The following CLCN3 variants were observed in gnomAD, a reference collection of about 807,000 sequenced individuals.
CLCN3 encodes the protein H(+)/Cl(-) exchange transporter 3.
Under a neutral mutation model 83.4 loss-of-function variants are expected in CLCN3, and 16 were observed. That is an observed-to-expected ratio of 0.19 (90% CI 0.13 to 0.29). CLCN3 has a LOEUF of 0.29. Among genes scored for constraint, CLCN3 ranks in the 10% least tolerant of loss-of-function variants. CLCN3 has a pLI of 1.00. For synonymous variants in CLCN3, 322 were observed against 346.2 expected (o/e 0.93, Z 0.78); for missense variants, 544 against 1,006.0 (o/e 0.54, Z 6.21).
At chr4:169,638,488 A>T (rs1422065881) in intron 2 of CLCN3, among the ~76,000 whole-genome samples, 1 of 151,894 alleles carries the variant, frequency 6.6e-6, no homozygotes. Context: ...TTTATCACAG[A>T]TTTTTTTTCT....
intron 11 of CLCN3, 86 bp from the exon 12 acceptor site, chr4:169,712,993 T>A: frequency 2.1e-6 from 2 of 945,652 alleles, no homozygotes; most frequent in Non-Finnish European, 3.3e-6. Context: ...ATAGGATACA[T>A]TAATTTTTTT....
intron 4 of CLCN3, 39 bp from the exon 5 acceptor site, chr4:169,689,004 T>G: frequency 6.3e-7 from 1 of 1,589,794 alleles, no homozygotes; most frequent in Non-Finnish European, 8.6e-7. Flanking sequence ...CCCAAAAAAT[T>G]GACTTAATTT....
intron 12 of CLCN3, among the ~76,000 whole-genome samples, chr4:169,719,272 C>T (rs1315354432): frequency 6.6e-6 from 1 of 152,164 alleles, no homozygotes; most frequent in African/African-American, 2.4e-5. Context: ...GAAGCCCATT[C>T]TGGCCAACAT....
intron 10 of CLCN3, 129 bp from the exon 11 acceptor site, chr4:169,706,739 G>A: frequency 1.5e-6 from 1 of 682,614 alleles, no homozygotes. Flanking sequence ...AGCAGTTTTA[G>A]ATGCTAATGC....
Position 169,707,244 on chromosome 4 carries a change from AAG to A in CLCN3, c.2131_2132del (p.Asp711ProfsTer45). On this transcript the variant is annotated frameshift_variant, in exon 11 of 13. Coordinates refer to ENST00000513761, the MANE Select transcript of CLCN3 (RefSeq NM_001829.4). LOFTEE classifies it high-confidence loss of function. ...SQRLVGFALR[R>X]DLTIAIESAR... ...AGAGATTAGTGGGATTTGCCCTCAG[AAG>A]AGACCTGACAATTGCAATAGGTACC... The A allele has an allele frequency of 6.2e-7, 1 of 1,608,686 alleles. No homozygotes were observed. Among genetic ancestry groups the A allele is most frequent in the Non-Finnish European group, 8.5e-7 (1 of 1,177,626 alleles).
rs1733591669 is a variant in CLCN3 at position 169,720,403 on chromosome 4, C to A, written c.*406C>A. The A allele has an allele frequency of 5.3e-6, 1 of 190,158 alleles. No homozygotes were observed. Among genetic ancestry groups the A allele is most frequent in the African/African-American group, 2.3e-5 (1 of 42,898 alleles). The allele number at this position is 190,158 out of a possible 1,614,324, so 11.8% of individuals were successfully genotyped here. ...TCAGTCCCTATTTCTAGAGGGATTA[C>A]TTTGAATTGAGCCATCTATAAAACT... On this transcript the variant is annotated 3_prime_UTR_variant, in exon 13 of 13. Transcript: ENST00000513761.
chr4:169,671,465 G>T (rs1731454345), intron 2 of CLCN3, among the ~76,000 whole-genome samples: 1 of 152,096 alleles, frequency 6.6e-6, no homozygotes, highest in Non-Finnish European at 1.5e-5. Flanking sequence ...GGGACAAGGG[G>T]AGGGAGAGCA....
In CLCN3 at chr4:169,679,902, G is replaced by C. The variant is rs1316102514; in HGVS notation, c.161-148G>C. ...AGGCGGGAGTCGGAGACGAGGGAGA[G>C]GGGGAGACCGTGGAAAGCGGGAGGT... On this transcript the variant is annotated intron_variant, in intron 2 of 12. Coordinates refer to ENST00000513761, the MANE Select transcript of CLCN3 (RefSeq NM_001829.4). The C allele has an allele frequency of 6.1e-5, 34 of 553,098 alleles. 4 individuals are homozygous for C. Among genetic ancestry groups the C allele is most frequent in the South Asian group, 2.6e-4 (13 of 49,278 alleles). 34.3% of individuals were successfully genotyped at this position (553,098 alleles called of 1,614,324 possible). A position where few individuals can be genotyped will look rare whatever the true frequency, so the allele number is the denominator to read the frequency against.
At chr4:169,650,128 T>C (rs186662845) in intron 2 of CLCN3, among the ~76,000 whole-genome samples, 1 of 152,186 alleles carries the variant, frequency 6.6e-6, no homozygotes, top group Admixed American at 6.5e-5. Context: ...TTGCTAAAGA[T>C]AGTCTGAGTG....
Position 169,721,740 on chromosome 4 carries a change from C to T in CLCN3, c.*1743C>T, listed in dbSNP as rs1733646283. The T allele has an allele frequency of 6.6e-6, 1 of 152,216 alleles. No homozygotes were observed. The highest frequency in any genetic ancestry group is 2.4e-5 in the African/African-American group (1 of 41,444). The allele number at this position is 152,216 out of a possible 1,614,324, so 9.4% of individuals were successfully genotyped here. A position where few individuals can be genotyped will look rare whatever the true frequency, so the allele number is the denominator to read the frequency against. On this transcript the variant is annotated 3_prime_UTR_variant, in exon 13 of 13. Transcript: ENST00000513761. ...TTTTTGGAATTGTCTGTTTTAATCA[C>T]AGCCTTAATTCACAATTGGCAAAGG...
At chr4:169,667,916 T>C (rs1731305326) in intron 2 of CLCN3, among the ~76,000 whole-genome samples, 1 of 151,588 alleles carries the variant, frequency 6.6e-6, no homozygotes, top group African/African-American at 2.4e-5. Flanking sequence ...CGCCTGATTT[T>C]TTTTAGTAGA....
At position 169,637,168 on chromosome 4, in the gene CLCN3, T is replaced by C. The variant is rs186167878; in HGVS notation, c.160+1080T>C. On this transcript the variant is annotated intron_variant, in intron 2 of 12. Coordinates refer to ENST00000513761, the MANE Select transcript of CLCN3 (RefSeq NM_001829.4). ...GTTTATTGGCTTTTTAGATTGCCTC[T>C]TTTAAAGCACCTATTCAGTCCTTTT... Among the ~76,000 whole-genome samples, 11 of 152,358 alleles carry C rather than the reference T, an allele frequency of 7.2e-5. 1 individual carries two copies. The East Asian group carries it at 2.1e-3, about 29-fold the overall frequency.
chr4:169,702,960 G>A (rs1039909131), intron 9 of CLCN3, among the ~76,000 whole-genome samples: 2 of 152,080 alleles, frequency 1.3e-5, no homozygotes, highest in African/African-American at 4.8e-5. Context: ...TTGGGTCTCA[G>A]GGAATAGGGA....
At chr4:169,643,595 T>G (rs1730485817) in intron 2 of CLCN3, among the ~76,000 whole-genome samples, 1 of 151,874 alleles carries the variant, frequency 6.6e-6, no homozygotes. Flanking sequence ...TGCAGTGGCA[T>G]GATCACAGCT....
intron 2 of CLCN3, chr4:169,660,405 C>CG: frequency 7.1e-7 from 1 of 1,403,076 alleles, no homozygotes; most frequent in Non-Finnish European, 9.2e-7. Flanking sequence ...TGCCTTATGA[C>CG]GGGGGAGGAG....
rs774456990 is a variant in CLCN3, at chr4:169,689,148, G to T, written c.524G>T (p.Gly175Val). Reference protein sequence around the residue: ...LWYNHEQCCWGSNETTFEERD... With the variant: ...LWYNHEQCCWVSNETTFEERD... ...TACAACCACGAACAGTGCTGTTGGG[G>T]ATCTAATGAAACAACATTTGAAGAG... The change falls in exon 5 of 13, where the codon GGA becomes GTA. Residue 175 changes from glycine to valine, a missense_variant. Physicochemically the swap from Gly to Val is moderately radical, Grantham distance 109. Coordinates refer to ENST00000513761, the MANE Select transcript of CLCN3 (RefSeq NM_001829.4). 6.2e-7 allele frequency: 1 copy of T among 1,613,852 alleles called. No homozygotes were observed. Among genetic ancestry groups the T allele is most frequent in the Non-Finnish European group, 8.5e-7 (1 of 1,179,864 alleles).
chr4:169,692,275 C>T lies in CLCN3; in HGVS notation c.891C>T (p.Ser297=). The part of the protein sequence containing the change: ...HVACCCGNIF[S]YLFPKYSTNE... ...CCTGTTGCTGCGGAAATATCTTTTCCTACCTCTTTCCAAAGTATAGCACAA... is the reference window on the plus strand; with the variant it reads ...CCTGTTGCTGCGGAAATATCTTTTCTTACCTCTTTCCAAAGTATAGCACAA... The change falls in exon 7 of 13, where the codon TCC becomes TCT. Residue 297 remains serine, a synonymous_variant. Transcript: ENST00000513761. 6.2e-7 allele frequency: 1 copy of T among 1,613,454 alleles called. No individual in the cohort carries two copies.
At chr4:169,698,864 G>A (rs1332368616) in intron 9 of CLCN3, among the ~76,000 whole-genome samples, 1 of 152,140 alleles carries the variant, frequency 6.6e-6, no homozygotes, top group Non-Finnish European at 1.5e-5. Flanking sequence ...AAAGCTGCCA[G>A]CATTCCTTGG....
At chr4:169,667,752 T>C (rs1484428954) in intron 2 of CLCN3, among the ~76,000 whole-genome samples, 2 of 141,734 alleles carry the variant, frequency 1.4e-5, no homozygotes, top group Non-Finnish European at 1.6e-5. Flanking sequence ...GACTTTTTTT[T>C]CTTTTTTTTT....
Sources: allele counts gnomAD v4.1 joint callset (sites outside exome capture counted in the v4.1 genomes callset), GRCh38; gene constraint gnomAD v4.1.1; transcripts MANE v1.5; gene names NCBI Gene and HGNC (gene_info 2026-07-23, HGNC 2026-07-21).